Variants in TRDMT1 observed in about 807,000 individuals in gnomAD.
TRDMT1 encodes the protein tRNA (cytosine(38)-C(5))-methyltransferase.
In TRDMT1, 49 loss-of-function variants were observed where a neutral mutation model predicts 51.2. That is an observed-to-expected ratio of 0.96 (90% confidence interval 0.76 to 1.21). TRDMT1 has a LOEUF of 1.21. Among genes scored for constraint, TRDMT1 ranks in the 50% most tolerant of loss-of-function variants. The pLI is 0.00. For synonymous variants in TRDMT1, 187 were observed against 164.6 expected (o/e 1.14, Z -1.04); for missense variants, 534 against 462.3 (o/e 1.16, Z -1.42).
Position 17,148,261 on chromosome 10 carries a change from T to A in TRDMT1, c.*779A>T. On this transcript the variant is annotated 3_prime_UTR_variant, in exon 11 of 11. Coordinates refer to ENST00000377799, the MANE Select transcript of TRDMT1 (RefSeq NM_004412.7). ...TGGGATCAGAGGGCAGCTTCCTCCC[T>A]GAAATCTTAACGTCATGCTACATTC... is the stretch of plus-strand genomic sequence containing the variant. 1 of 985,466 alleles carries A rather than the reference T, an allele frequency of 1.0e-6. No homozygotes were observed. Among genetic ancestry groups the A allele is most frequent in the Non-Finnish European group, 1.2e-6 (1 of 829,958 alleles). The allele number at this position is 985,466 out of a possible 1,614,324, so 61.0% of individuals were successfully genotyped here.
chr10:17,167,177 T>G (rs1250284571), intron 3 of TRDMT1, among the ~76,000 whole-genome samples: 1 of 152,220 alleles, frequency 6.6e-6, no homozygotes, highest in Non-Finnish European at 1.5e-5. Context: ...AAATAATGCC[T>G]GGCTTGTAGG....
In TRDMT1 at chr10:17,139,080, G is replaced by A; in HGVS notation, c.*9960C>T. ...AACAGAGCTTTCTCTACCTCCAACAGCTCCCGGAATGGGGACTTCAGCAGC... is the reference window on the plus strand; with the variant it reads ...AACAGAGCTTTCTCTACCTCCAACAACTCCCGGAATGGGGACTTCAGCAGC... On this transcript the variant is annotated 3_prime_UTR_variant, in exon 11 of 11. Coordinates refer to ENST00000377799, the MANE Select transcript of TRDMT1 (RefSeq NM_004412.7). 2 of 738,364 alleles carry A rather than the reference G, an allele frequency of 2.7e-6. No homozygotes were observed. Among genetic ancestry groups the A allele is most frequent in the Non-Finnish European group, 3.3e-6 (2 of 604,252 alleles). The allele number at this position is 738,364 out of a possible 1,614,324, so 45.7% of individuals were successfully genotyped here.
Position 17,146,724 on chromosome 10 carries a change from G to A in TRDMT1, c.*2316C>T. 1.0e-6 allele frequency: 1 copy of A among 985,336 alleles called. No homozygotes were observed. Among genetic ancestry groups the A allele is most frequent in the Non-Finnish European group, 1.2e-6 (1 of 829,920 alleles). 61.0% of individuals were successfully genotyped at this position (985,336 alleles called of 1,614,324 possible). A position where few individuals can be genotyped will look rare whatever the true frequency, so the allele number is the denominator to read the frequency against. On this transcript the variant is annotated 3_prime_UTR_variant, in exon 11 of 11. Coordinates refer to ENST00000377799, the MANE Select transcript of TRDMT1 (RefSeq NM_004412.7). ...TATGTTTTCCAACATCTGAATAAAT[G>A]TACAAGTCCAAATATCAGGAAACAG...
At chr10:17,189,136 C>T (rs140719837) in intron 1 of TRDMT1, among the ~76,000 whole-genome samples, 6 of 152,166 alleles carry the variant, frequency 3.9e-5, no homozygotes, top group Middle Eastern at 3.4e-3. Context: ...AATTATAAGG[C>T]CATACTCTCT....
rs189684227 is a variant in TRDMT1 at position 17,152,566 on chromosome 10, A to C, written c.1075+941T>G. ...CAAACTCTCAAGAGTCCTCAAAAGC[A>C]CATTTCCTCCTTCTCTAGCCAGGGA... is the stretch of plus-strand genomic sequence containing the variant. On this transcript the variant is annotated intron_variant, in intron 10 of 10. Transcript: ENST00000377799. Among the ~76,000 whole-genome samples, 1,174 of 152,322 alleles carry C rather than the reference A, an allele frequency of 7.7e-3. 61 individuals are homozygous for C. The highest frequency in any genetic ancestry group is 0.074 in the Admixed American group (1,137 of 15,298).
Position 17,148,367 on chromosome 10 carries a change from C to T in TRDMT1, c.*673G>A. 1 of 985,354 alleles carries T rather than the reference C, an allele frequency of 1.0e-6. No individual in the cohort carries two copies. Among genetic ancestry groups the T allele is most frequent in the Non-Finnish European group, 1.2e-6 (1 of 829,920 alleles). 61.0% of individuals were successfully genotyped at this position (985,354 alleles called of 1,614,324 possible). ...GATAATAGTCAACTAAAGGAAAGTA[C>T]ATACAAAATGAAGAAGGAAAAATGA... On this transcript the variant is annotated 3_prime_UTR_variant, in exon 11 of 11. Coordinates refer to ENST00000377799, the MANE Select transcript of TRDMT1 (RefSeq NM_004412.7).
chr10:17,171,854 C>G (rs1321908578), intron 2 of TRDMT1: 1 of 155,060 alleles, frequency 6.4e-6, no homozygotes, highest in Non-Finnish European at 1.5e-5. Flanking sequence ...GTCATCTGTT[C>G]CAGAAGGGCT....
At chr10:17,156,610 A>G (rs966142662) in intron 8 of TRDMT1, among the ~76,000 whole-genome samples, 6 of 152,210 alleles carry the variant, frequency 3.9e-5, no homozygotes, top group African/African-American at 1.4e-4. Context: ...TTAAATGTTC[A>G]AGTAATAACC....
In TRDMT1 at chr10:17,201,568, C is replaced by T. The variant is rs902156550; in HGVS notation, c.64+3G>A. On this transcript the variant is annotated splice_donor_region_variant and intron_variant, in intron 1 of 10. Transcript: ENST00000377799. The stretch of plus-strand genomic sequence containing the variant: ...GAGAGAGGGGTGCTAGATGGACTCT[C>T]ACCTCTCAGCGCGTGGTGCATGCCG... The T allele has an allele frequency of 6.5e-7, 1 of 1,549,880 alleles. No individual in the cohort carries two copies. The highest frequency in any genetic ancestry group is 2.5e-5 in the East Asian group (1 of 40,690).
At position 17,146,654 on chromosome 10, in the gene TRDMT1, A is replaced by G; in HGVS notation, c.*2386T>C. 5.1e-6 allele frequency: 5 copies of G among 985,398 alleles called. No individual in the cohort carries two copies. Among genetic ancestry groups the G allele is most frequent in the Non-Finnish European group, 6.0e-6 (5 of 829,872 alleles). 61.0% of individuals were successfully genotyped at this position (985,398 alleles called of 1,614,324 possible). On this transcript the variant is annotated 3_prime_UTR_variant, in exon 11 of 11. Transcript: ENST00000377799. Reference sequence around the variant, plus strand: ...ACGAAAAATCGGTTTACTGTAAGGTATGGTGAAGACTGAATTACACATAGT... The same window carrying G: ...ACGAAAAATCGGTTTACTGTAAGGTGTGGTGAAGACTGAATTACACATAGT...
rs77529449 is a variant in TRDMT1 at position 17,139,259 on chromosome 10, C to T, written c.*9781G>A. The T allele has an allele frequency of 5.4e-3, 5,198 of 968,334 alleles. 233 individuals are homozygous for T. In the East Asian group the frequency reaches 0.19, roughly 36 times the overall value. The allele number at this position is 968,334 out of a possible 1,614,324, so 60.0% of individuals were successfully genotyped here. ...GACCCCTAAAATTCCCCAAACAAGG[C>T]GGTGAAGTTAAATATTTAGACACCA... is the stretch of plus-strand genomic sequence containing the variant. On this transcript the variant is annotated 3_prime_UTR_variant, in exon 11 of 11. Transcript: ENST00000377799.
chr10:17,152,657 A>C (rs556348764), intron 10 of TRDMT1, among the ~76,000 whole-genome samples: 1 of 152,236 alleles, frequency 6.6e-6, no homozygotes, highest in South Asian at 2.1e-4. Context: ...TGCCCACCCC[A>C]GGCCTAAGAA....
In TRDMT1 at chr10:17,144,775, A is replaced by T. The variant is rs908293163; in HGVS notation, c.*4265T>A. 2.0e-6 allele frequency: 2 copies of T among 985,398 alleles called. No homozygotes were observed. 61.0% of individuals were successfully genotyped at this position (985,398 alleles called of 1,614,324 possible). Reference sequence around the variant, plus strand: ...TGTTCCTAGACAGCCTAAAGAGAGAAACGGAAGCTAGAAACAACAACAACA... The same window carrying T: ...TGTTCCTAGACAGCCTAAAGAGAGATACGGAAGCTAGAAACAACAACAACA... On this transcript the variant is annotated 3_prime_UTR_variant, in exon 11 of 11. Transcript: ENST00000377799.
chr10:17,139,177 T>G lies in TRDMT1; in HGVS notation c.*9863A>C, dbSNP rs1837512467. The G allele has an allele frequency of 1.0e-6, 1 of 985,386 alleles. No homozygotes were observed. Among genetic ancestry groups the G allele is most frequent in the Non-Finnish European group, 1.2e-6 (1 of 829,906 alleles). The allele number at this position is 985,386 out of a possible 1,614,324, so 61.0% of individuals were successfully genotyped here. Reference sequence around the variant, plus strand: ...AGCGGAGTTTACCATAGGTGAACCCTCCTGCCATCCTGTTCCAAATCAACC... The same window carrying G: ...AGCGGAGTTTACCATAGGTGAACCCGCCTGCCATCCTGTTCCAAATCAACC... On this transcript the variant is annotated 3_prime_UTR_variant, in exon 11 of 11. Transcript: ENST00000377799.
At position 17,145,298 on chromosome 10, in the gene TRDMT1, ACT is replaced by A. The variant is rs1838011425; in HGVS notation, c.*3740_*3741del. The A allele has an allele frequency of 1.0e-6, 1 of 974,414 alleles. No individual in the cohort carries two copies. Among genetic ancestry groups the A allele is most frequent in the Non-Finnish European group, 1.2e-6 (1 of 822,304 alleles). 60.4% of individuals were successfully genotyped at this position (974,414 alleles called of 1,614,324 possible). A position where few individuals can be genotyped will look rare whatever the true frequency, so the allele number is the denominator to read the frequency against. ...AAAACAAAAAAAACAGCAAAGGGAA[ACT>A]CTCAAATGAAAGGCATAACTAGACA... On this transcript the variant is annotated 3_prime_UTR_variant, in exon 11 of 11. Coordinates refer to ENST00000377799, the MANE Select transcript of TRDMT1 (RefSeq NM_004412.7).
rs536540071 is a variant in TRDMT1, at chr10:17,138,760, G to GT, written c.*10279dup. Among the ~76,000 whole-genome samples, 159 of 147,018 alleles carry GT rather than the reference G, an allele frequency of 1.1e-3. No individual in the cohort carries two copies. The South Asian group carries it at 0.013, about 12-fold the overall frequency. On this transcript the variant is annotated 3_prime_UTR_variant, in exon 11 of 11. Transcript: ENST00000377799. The stretch of plus-strand genomic sequence containing the variant: ...TGGAGAACTTTTCCACTTTTTTCAA[G>GT]TTTTTTTTTTTAAGTAATATAATCC...
At chr10:17,163,779 A>C (rs1449679609) in intron 3 of TRDMT1, among the ~76,000 whole-genome samples, 2 of 152,218 alleles carry the variant, frequency 1.3e-5, no homozygotes, top group Non-Finnish European at 2.9e-5. Context: ...GAAATGGATA[A>C]ATTCCTCGAC....
chr10:17,166,694 C>T (rs1841264717), intron 3 of TRDMT1, among the ~76,000 whole-genome samples: 1 of 152,142 alleles, frequency 6.6e-6, no homozygotes, highest in South Asian at 2.1e-4. Flanking sequence ...TCTTATTTGT[C>T]CTTTCCTGTC....
chr10:17,159,016 G>A (rs1466077783), intron 7 of TRDMT1, 130 bp downstream of exon 7: 16 of 515,972 alleles, frequency 3.1e-5, no homozygotes, highest in Non-Finnish European at 4.8e-5. Flanking sequence ...CTAGGGCATG[G>A]TCTATACTTT....
Sources: gnomAD v4.1 joint callset for allele counts (sites outside exome capture counted in the v4.1 genomes callset) on GRCh38, gnomAD v4.1.1 for gene constraint, MANE v1.5 for transcripts, NCBI Gene and HGNC (gene_info 2026-07-23, HGNC 2026-07-21) for gene names.